Variants in PRR14 observed in about 807,000 individuals in gnomAD.
PRR14 encodes proline-rich protein 14.
A neutral mutation model predicts 57.2 loss-of-function variants in PRR14; 33 were observed. That is an observed-to-expected ratio of 0.58 (90% CI 0.44 to 0.77). PRR14 has a LOEUF of 0.77. PRR14 is among the 30% of genes least tolerant of loss of function. PRR14 has a pLI of 0.00. For missense variants in PRR14, 716 were observed against 788.1 expected, an observed-to-expected ratio of 0.91 and a Z score of 1.10; for synonymous variants, 303 against 314.7, an observed-to-expected ratio of 0.96 and a Z score of 0.39.
Position 30,653,012 on chromosome 16 carries a change from A to G in PRR14, c.413A>G (p.Glu138Gly). 6.2e-7 allele frequency: 1 copy of G among 1,614,098 alleles called. No individual in the cohort carries two copies. Among genetic ancestry groups the G allele is most frequent in the Non-Finnish European group, 8.5e-7 (1 of 1,179,996 alleles). The change falls in exon 5 of 12, where the codon GAG becomes GGG. Residue 138 changes from glutamate (E) to glycine (G), a missense_variant. Transcript: ENST00000300835. Reference sequence around the variant, plus strand: ...CGATCAAGGACAACCCCTGGCCCAGAGGAGGGCCCTTCACAAAAGGTGGAC... The same window carrying G: ...CGATCAAGGACAACCCCTGGCCCAGGGGAGGGCCCTTCACAAAAGGTGGAC... Reference protein sequence around the residue: ...RRRSRTTPGPEEGPSQKVDRA... With the variant: ...RRRSRTTPGPGEGPSQKVDRA...
At chr16:30,654,007 T>C (rs886848399) in intron 6 of PRR14, 1 of 537,414 alleles carries the variant, frequency 1.9e-6, no homozygotes, top group Non-Finnish European at 3.3e-6. Context: ...TCCATGCATG[T>C]AGTTCTAGCC....
chr16:30,651,317 G>A lies in PRR14; in HGVS notation c.-51+190G>A, dbSNP rs905743427. ...CCCGGGGGATCTCGGGGCATAATCTGCAGGGACAAAGGCCTCGGGAGGCTC... is the reference window on the plus strand; with the variant it reads ...CCCGGGGGATCTCGGGGCATAATCTACAGGGACAAAGGCCTCGGGAGGCTC... On this transcript the variant is annotated intron_variant, in intron 1 of 11. Coordinates refer to ENST00000300835, the MANE Select transcript of PRR14 (RefSeq NM_024031.5). The surrounding 1 kb of genome is among the most constrained non-coding windows in gnomAD (Gnocchi z 5.0). 1.3e-5 allele frequency: 5 copies of A among 396,512 alleles called. No homozygotes were observed. Among genetic ancestry groups the A allele is most frequent in the Admixed American group, 7.8e-5 (2 of 25,724 alleles). 24.6% of individuals were successfully genotyped at this position (396,512 alleles called of 1,614,324 possible). A position where few individuals can be genotyped will look rare whatever the true frequency, so the allele number is the denominator to read the frequency against.
Position 30,651,239 on chromosome 16 carries a change from A to C in PRR14, c.-51+112A>C, listed in dbSNP as rs2052308103. 1 of 331,312 alleles carries C rather than the reference A, an allele frequency of 3.0e-6. No homozygotes were observed. The highest frequency in any genetic ancestry group is 3.7e-5 in the Admixed American group (1 of 26,698). The allele number at this position is 331,312 out of a possible 1,614,324, so 20.5% of individuals were successfully genotyped here. A position where few individuals can be genotyped will look rare whatever the true frequency, so the allele number is the denominator to read the frequency against. On this transcript the variant is annotated intron_variant, in intron 1 of 11. Transcript: ENST00000300835. The surrounding 1 kb of genome is among the most constrained non-coding windows in gnomAD (Gnocchi z 5.0). ...GGCCACTCGCTGGGAGAGGAGGAGG[A>C]TCGCAGAGGGATCCAGCGGAAATAG...
chr16:30,654,513 A>G, intron 7 of PRR14, 116 bp from the exon 8 acceptor site: 1 of 988,218 alleles, frequency 1.0e-6, no homozygotes, highest in Non-Finnish European at 1.5e-6. Flanking sequence ...TCTTAAATGC[A>G]GAACTTAGTG....
chr16:30,655,583 C>T lies in PRR14; in HGVS notation c.1396C>T (p.Arg466Ter), dbSNP rs1324592652. The stretch of plus-strand genomic sequence containing the variant: ...AAACCTTACACCAATGGGACTGCCT[C>T]GACCAATCAGGTGAGGGGCTCACTG... Reference protein sequence around the residue: ...QLNLTPMGLPRPIRLNKKEFS... With the variant: ...QLNLTPMGLP The change falls in exon 10 of 12, where the codon CGA becomes TGA. Residue 466 changes from arginine (R) to a stop codon, truncating the protein, a stop_gained. Transcript: ENST00000300835. LOFTEE classifies it high-confidence loss of function. The surrounding 1 kb of genome is among the most constrained non-coding windows in gnomAD (Gnocchi z 4.6). 6.2e-7 allele frequency: 1 copy of T among 1,614,024 alleles called. No homozygotes were observed. Among genetic ancestry groups the T allele is most frequent in the Non-Finnish European group, 8.5e-7 (1 of 1,179,978 alleles).
At position 30,651,132 on chromosome 16, in the gene PRR14, G is replaced by A; in HGVS notation, c.-51+5G>A. 1 of 444,948 alleles carries A rather than the reference G, an allele frequency of 2.2e-6. No homozygotes were observed. The highest frequency in any genetic ancestry group is 1.6e-5 in the South Asian group (1 of 64,008). The allele number at this position is 444,948 out of a possible 1,614,324, so 27.6% of individuals were successfully genotyped here. The stretch of plus-strand genomic sequence containing the variant: ...TCTGATTGGCGGAACCGCGCTGTAG[G>A]ATTCTTTCCTCAGGGATCCAGTCTA... On this transcript the variant is annotated splice_donor_5th_base_variant and intron_variant, in intron 1 of 11. Transcript: ENST00000300835. The surrounding 1 kb of genome is among the most constrained non-coding windows in gnomAD (Gnocchi z 5.0).
chr16:30,654,568 G>C, intron 7 of PRR14, 61 bp from the exon 8 acceptor site: 3 of 1,351,350 alleles, frequency 2.2e-6, no homozygotes, highest in East Asian at 2.3e-5. Flanking sequence ...TTGAGCATGT[G>C]GGGAGGGGCT....
At position 30,654,808 on chromosome 16, in the gene PRR14, A is replaced by G. The variant is rs140826259; in HGVS notation, c.838A>G (p.Met280Val). ...ACAGCCCCCACCCCCGTCCCCCCCA[A>G]TGAAGCTGGAGTTGAAGATCGCCAT... ...TPQPPPPSPPMKLELKIAISE... is the reference protein window; with the variant it reads ...TPQPPPPSPPVKLELKIAISE... Residue 280 changes from methionine to valine, a missense_variant, in exon 8 of 12, where the codon ATG (methionine) becomes GTG (valine). Physicochemically the swap from Met to Val is conservative, Grantham distance 21. Transcript: ENST00000300835. 7.3e-4 allele frequency: 726 copies of G among 990,496 alleles called. 2 individuals are homozygous for G. In the African/African-American group the frequency reaches 0.011, roughly 15 times the overall value. 61.4% of individuals were successfully genotyped at this position (990,496 alleles called of 1,614,324 possible). A position where few individuals can be genotyped will look rare whatever the true frequency, so the allele number is the denominator to read the frequency against.
In PRR14 at chr16:30,654,801, C is replaced by A. The variant is rs779456833; in HGVS notation, c.831C>A (p.Ser277=). The A allele has an allele frequency of 1.3e-6, 2 of 1,586,334 alleles. No homozygotes were observed. Among genetic ancestry groups the A allele is most frequent in the Non-Finnish European group, 1.7e-6 (2 of 1,159,502 alleles). ...AAACCCCACAGCCCCCACCCCCGTC[C>A]CCCCCAATGAAGCTGGAGTTGAAGA... ...PNKTPQPPPP[S]PPMKLELKIA... The change falls in exon 8 of 12, where the codon TCC becomes TCA. Residue 277 remains serine (S), a synonymous_variant. Coordinates refer to ENST00000300835, the MANE Select transcript of PRR14 (RefSeq NM_024031.5).
At position 30,656,292 on chromosome 16, in the gene PRR14, A is replaced by G. The variant is rs1596607579; in HGVS notation, c.1739A>G (p.Glu580Gly). Residue 580 changes from glutamate (E) to glycine (G), a missense_variant, in exon 12 of 12, where the codon GAG (glutamate) becomes GGG (glycine). Transcript: ENST00000300835. The stretch of plus-strand genomic sequence containing the variant: ...CTGGAGGAAGAAACAGTAGATCGGG[A>G]GCAGCCCCACTGGACCTAGGTGCCC... The part of the protein sequence containing the change: ...LLLEEETVDR[E>G]QPHWT 1 of 1,612,284 alleles carries G rather than the reference A, an allele frequency of 6.2e-7. No individual in the cohort carries two copies. Among genetic ancestry groups the G allele is most frequent in the East Asian group, 2.2e-5 (1 of 44,806 alleles).
intron 6 of PRR14, 102 bp from the exon 7 acceptor site, chr16:30,654,128 C>T: frequency 1.5e-6 from 1 of 676,946 alleles, no homozygotes; most frequent in Non-Finnish European, 2.5e-6. Context: ...GGCTCTGTCT[C>T]AAAAAAAAAA....
rs766548061 is a variant in PRR14 at position 30,651,929 on chromosome 16, G to A, written c.157G>A (p.Ala53Thr). The A allele has an allele frequency of 3.2e-6, 5 of 1,570,540 alleles. No individual in the cohort carries two copies. The African/African-American group carries it at 6.8e-5, about 21-fold the overall frequency. ...PLEKASRRVL[A>T]VVLEDVMAVH... is the part of the protein sequence containing the mutation. The stretch of plus-strand genomic sequence containing the variant: ...GGAAAAGGCCTCTCGGCGGGTCCTG[G>A]CCGTGGTGCTAGAAGATGTCATGGC... The change falls in exon 3 of 12, where the codon GCC becomes ACC. Residue 53 changes from alanine to threonine, a missense_variant. Physicochemically the swap from Ala to Thr is moderately conservative, Grantham distance 58 (BLOSUM62 0). Transcript: ENST00000300835. The surrounding 1 kb of genome is among the most constrained non-coding windows in gnomAD (Gnocchi z 5.0).
Position 30,653,369 on chromosome 16 carries a change from T to G in PRR14, c.509T>G (p.Phe170Cys), listed in dbSNP as rs746563936. 11 of 1,613,922 alleles carry G rather than the reference T, an allele frequency of 6.8e-6. No individual in the cohort carries two copies. Among genetic ancestry groups the G allele is most frequent in the Non-Finnish European group, 9.3e-6 (11 of 1,179,976 alleles). Residue 170 changes from phenylalanine (F) to cysteine (C), a missense_variant, in exon 6 of 12, where the codon TTC (phenylalanine) becomes TGC (cysteine). Phe to Cys is a radical substitution (Grantham distance 205). Coordinates refer to ENST00000300835, the MANE Select transcript of PRR14 (RefSeq NM_024031.5). ...ACATCCCCTATTTTTATCCAGGGCTTCATTGATGAGACCCCCAACTTCATC... is the reference window on the plus strand; with the variant it reads ...ACATCCCCTATTTTTATCCAGGGCTGCATTGATGAGACCCCCAACTTCATC... ...IASPRPPAEG[F>C]IDETPNFIIP...
In PRR14 at chr16:30,651,885, C is replaced by A; in HGVS notation, c.113C>A (p.Pro38Gln). The A allele has an allele frequency of 6.2e-7, 1 of 1,605,554 alleles. No individual in the cohort carries two copies. The highest frequency in any genetic ancestry group is 8.5e-7 in the Non-Finnish European group (1 of 1,176,300). Reference protein sequence around the residue: ...RSPKRPRLQLPGAPSPLEKAS... With the variant: ...RSPKRPRLQLQGAPSPLEKAS... ...CCGAAACGGCCGAGGCTGCAGCTCC[C>A]GGGGGCCCCTTCTCCCCTGGAAAAG... is the stretch of plus-strand genomic sequence containing the variant. The change falls in exon 3 of 12, where the codon CCG becomes CAG. Residue 38 changes from proline (P) to glutamine (Q), a missense_variant. Pro to Gln is a moderately conservative substitution (Grantham distance 76, BLOSUM62 -1). Transcript: ENST00000300835. The surrounding 1 kb of genome is among the most constrained non-coding windows in gnomAD (Gnocchi z 5.0).
chr16:30,655,035 C>A lies in PRR14; in HGVS notation c.1065C>A (p.Ser355Arg), dbSNP rs2052354699. 3 of 1,610,200 alleles carry A rather than the reference C, an allele frequency of 1.9e-6. No homozygotes were observed. Among genetic ancestry groups the A allele is most frequent in the Non-Finnish European group, 1.7e-6 (2 of 1,179,684 alleles). ...CTWPPAPPQP[S>R]RPRPRRHTVG... ...GGCCACCTGCTCCACCCCAACCAAG[C>A]CGACCACGGCCGCGGCGGCACACTG... The change falls in exon 8 of 12, where the codon AGC becomes AGA. Residue 355 changes from serine to arginine, a missense_variant. Ser to Arg is a moderately radical substitution (Grantham distance 110). Transcript: ENST00000300835. The surrounding 1 kb of genome is among the most constrained non-coding windows in gnomAD (Gnocchi z 4.6).
intron 6 of PRR14, 24 bp downstream of exon 6, chr16:30,653,432 A>G: frequency 6.2e-7 from 1 of 1,610,566 alleles, no homozygotes; most frequent in Non-Finnish European, 8.5e-7. Flanking sequence ...AGTAGGGATT[A>G]TCAAAGGATC....
Position 30,656,225 on chromosome 16 carries a change from C to T in PRR14, c.1672C>T (p.Pro558Ser). ...TGTGGCCCCCAGCCCTGATGTGGGC[C>T]CCCTGCTCCAGCAGCGGCTGGAGGA... ...PNVAPSPDVG[P>S]LLQQRLEELD... is the part of the protein sequence containing the mutation. The change falls in exon 12 of 12, where the codon CCC (proline) becomes TCC (serine). Residue 558 changes from proline to serine, a missense_variant. Transcript: ENST00000300835. 1 of 1,613,558 alleles carries T rather than the reference C, an allele frequency of 6.2e-7. No individual in the cohort carries two copies. Among genetic ancestry groups the T allele is most frequent in the Non-Finnish European group, 8.5e-7 (1 of 1,179,966 alleles).
chr16:30,652,169 C>T, intron 3 of PRR14: 2 of 639,244 alleles, frequency 3.1e-6, no homozygotes, highest in Non-Finnish European at 5.5e-6. Flanking sequence ...CACCCACCAA[C>T]GATTTTGGGC....
chr16:30,654,191 TG>T, intron 6 of PRR14, 38 bp from the exon 7 acceptor site: 3 of 1,471,252 alleles, frequency 2.0e-6, no homozygotes, highest in Non-Finnish European at 2.9e-6. Context: ...GTGGGATACC[TG>T]GAAGTTCCCC....
Sources: allele counts gnomAD v4.1 joint callset, GRCh38; gene constraint gnomAD v4.1.1; non-coding constraint Gnocchi (gnomAD v3.1); transcripts MANE v1.5; gene names NCBI Gene and HGNC (gene_info 2026-07-23, HGNC 2026-07-21).